RBPJ: variants seen among roughly 807,000 people sequenced by gnomAD.
RBPJ encodes recombination signal binding protein for immunoglobulin kappa J region, also known as recombining binding protein suppressor of hairless.
In RBPJ, 9 loss-of-function variants were observed where a neutral mutation model predicts 67.8. The ratio of observed to expected loss-of-function variants is 0.13; its 90% CI spans 0.08 to 0.23. RBPJ has a LOEUF of 0.23. RBPJ is among the 10% of genes least tolerant of loss of function. RBPJ has a pLI of 1.00. For missense variants in RBPJ, 305 were observed against 595.6 expected (o/e 0.51, Z 5.08); for synonymous variants, 198 against 203.3 (o/e 0.97, Z 0.22).
chr4:26,343,864 C>T (rs1370418791), intron 1 of RBPJ, among the ~76,000 whole-genome samples: 3 of 149,206 alleles, frequency 2.0e-5, no homozygotes, highest in Non-Finnish European at 4.4e-5. Context: ...GATTCTGCTG[C>T]CTCAGCCTCC....
At chr4:26,242,353 C>CA (rs1249983367) in intron 1 of RBPJ, among the ~76,000 whole-genome samples, 1 of 150,360 alleles carries the variant, frequency 6.7e-6, no homozygotes, top group Non-Finnish European at 1.5e-5. Flanking sequence ...GAGGCTGAGG[C>CA]GGAGAATGGC....
the RBPJ span, among the ~76,000 whole-genome samples, chr4:26,128,263 T>C: frequency 3.3e-5 from 5 of 152,244 alleles, no homozygotes; most frequent in African/African-American, 1.2e-4. Flanking sequence ...AGAAGAGGTG[T>C]GGAGGTTCTA....
chr4:26,275,549 G>A (rs778757250), intron 1 of RBPJ, among the ~76,000 whole-genome samples: 1 of 152,202 alleles, frequency 6.6e-6, no homozygotes, highest in Non-Finnish European at 1.5e-5. Flanking sequence ...TCAGTCGCCG[G>A]AGAAAAACCA....
In RBPJ at chr4:26,430,129, C is replaced by G; in HGVS notation, c.1044+76C>G. 1 of 1,498,338 alleles carries G rather than the reference C, an allele frequency of 6.7e-7. No homozygotes were observed. Among genetic ancestry groups the G allele is most frequent in the Non-Finnish European group, 9.3e-7 (1 of 1,078,868 alleles). The allele number at this position is 1,498,338 out of a possible 1,614,324, so 92.8% of individuals were successfully genotyped here. ...GCTGTGACCTGGCATCATTTCATTT[C>G]ATGGGAGTTTTGATTTTTCTCCAAT... On this transcript the variant is annotated intron_variant, in intron 9 of 10. Coordinates refer to ENST00000355476, the MANE Select transcript of RBPJ (RefSeq NM_015874.6). The surrounding 1 kb of genome is among the most constrained non-coding windows in gnomAD (Gnocchi z 4.1).
At chr4:26,371,921 A>G (rs759349635) in intron 1 of RBPJ, among the ~76,000 whole-genome samples, 3 of 152,244 alleles carry the variant, frequency 2.0e-5, no homozygotes, top group Non-Finnish European at 4.4e-5. Flanking sequence ...TTTGTTTTAT[A>G]TGTGGGGCTC....
At chr4:26,227,472 A>G (rs1719115075) in intron 1 of RBPJ, among the ~76,000 whole-genome samples, 1 of 152,242 alleles carries the variant, frequency 6.6e-6, no homozygotes, top group Non-Finnish European at 1.5e-5. Flanking sequence ...AGCAATTATT[A>G]TGATCCTTAT....
chr4:26,363,587 C>T (rs755815423), intron 1 of RBPJ, among the ~76,000 whole-genome samples: 9 of 152,022 alleles, frequency 5.9e-5, no homozygotes, highest in African/African-American at 1.2e-4. Context: ...TACAGGTGCC[C>T]GCCACCACGC....
intron 1 of RBPJ, among the ~76,000 whole-genome samples, chr4:26,360,801 G>A (rs1727973802): frequency 6.6e-6 from 1 of 150,716 alleles, no homozygotes; most frequent in Non-Finnish European, 1.5e-5. Flanking sequence ...GTAGAGATAG[G>A]GTTTCACCAT....
intron 1 of RBPJ, among the ~76,000 whole-genome samples, chr4:26,352,051 T>C (rs1384055156): frequency 6.6e-6 from 1 of 152,212 alleles, no homozygotes; most frequent in Admixed American, 6.5e-5. Flanking sequence ...TGTTTTCAAT[T>C]CAGAGTAGCA....
chr4:26,263,969 G>T (rs1313854786), intron 1 of RBPJ, among the ~76,000 whole-genome samples: 1 of 151,806 alleles, frequency 6.6e-6, no homozygotes, highest in African/African-American at 2.4e-5. Context: ...CTGCCTCCCA[G>T]GTTTAAGCGA....
chr4:26,210,939 GATTT>G (rs546836732), intron 1 of RBPJ, among the ~76,000 whole-genome samples: 1 of 151,794 alleles, frequency 6.6e-6, no homozygotes, highest in South Asian at 2.1e-4. Context: ...TTTGTATTGT[GATTT>G]ATTTTTCTCC....
intron 1 of RBPJ, among the ~76,000 whole-genome samples, chr4:26,247,461 A>G (rs1285496048): frequency 2.0e-5 from 3 of 152,050 alleles, no homozygotes; most frequent in Non-Finnish European, 4.4e-5. Flanking sequence ...CCCAGGCTGA[A>G]GTGCAATGTC....
At chr4:26,166,342 A>G (rs1438472395) in intron 1 of RBPJ, among the ~76,000 whole-genome samples, 1 of 123,490 alleles carries the variant, frequency 8.1e-6, no homozygotes, top group Non-Finnish European at 1.7e-5. Flanking sequence ...CAACAGTGTA[A>G]AAGTGTTCCT....
intron 1 of RBPJ, among the ~76,000 whole-genome samples, chr4:26,360,756 GTTT>G (rs903381671): frequency 6.6e-6 from 1 of 150,804 alleles, no homozygotes; most frequent in Non-Finnish European, 1.5e-5. Flanking sequence ...TAATGTTTGG[GTTT>G]TTTTTATTTT....
At chr4:26,115,438 G>A in the RBPJ span, among the ~76,000 whole-genome samples, 1 of 151,922 alleles carries the variant, frequency 6.6e-6, no homozygotes, top group South Asian at 2.1e-4. Flanking sequence ...AGGCTGGAGT[G>A]CAGTGGCGCG....
the RBPJ span, among the ~76,000 whole-genome samples, chr4:26,158,144 C>G: frequency 2.0e-5 from 3 of 152,212 alleles, no homozygotes; most frequent in African/African-American, 7.2e-5. Flanking sequence ...AAATACTCAT[C>G]CTATAGGCAC....
chr4:26,420,555 A>G lies in RBPJ; in HGVS notation c.326A>G (p.Tyr109Cys), dbSNP rs1318601652. 1 of 1,598,934 alleles carries G rather than the reference A, an allele frequency of 6.3e-7. No individual in the cohort carries two copies. Among genetic ancestry groups the G allele is most frequent in the Non-Finnish European group, 8.5e-7 (1 of 1,173,968 alleles). Residue 109 changes from tyrosine to cysteine, a missense_variant, in exon 5 of 11, where the codon TAT becomes TGT. Transcript: ENST00000355476. ...MQQLNLEGKN[Y>C]CTAKTLYISD... Reference sequence around the variant, plus strand: ...AACTTTACTTTTCTTTCACAGAACTATTGCACAGCCAAAACATTGTATATA... The same window carrying G: ...AACTTTACTTTTCTTTCACAGAACTGTTGCACAGCCAAAACATTGTATATA...
intron 1 of RBPJ, among the ~76,000 whole-genome samples, chr4:26,202,083 G>C (rs1293765523): frequency 6.6e-6 from 1 of 152,130 alleles, no homozygotes; most frequent in African/African-American, 2.4e-5. Context: ...GCACTTTGCT[G>C]ATTCCTCCTT....
chr4:26,429,274 G>T (rs1735982140), intron 8 of RBPJ, among the ~76,000 whole-genome samples: 1 of 152,206 alleles, frequency 6.6e-6, no homozygotes, highest in African/African-American at 2.4e-5. Flanking sequence ...TAGTAATGAT[G>T]ACATGCTTTG....
Sources: gnomAD v4.1 joint callset for allele counts (sites outside exome capture counted in the v4.1 genomes callset) on GRCh38, gnomAD v4.1.1 for gene constraint, Gnocchi (gnomAD v3.1) non-coding constraint, MANE v1.5 for transcripts, NCBI Gene and HGNC (gene_info 2026-07-23, HGNC 2026-07-21) for gene names.